The following CPED1 variants were observed in gnomAD, a reference collection of about 807,000 sequenced individuals.
The protein encoded by CPED1 is cadherin-like and PC-esterase domain-containing protein 1.
In CPED1, 114 loss-of-function variants were observed where a neutral mutation model predicts 128.2. The observed-to-expected ratio is 0.89, with a 90% CI of 0.76 to 1.04. CPED1 has a LOEUF of 1.04. Among genes scored for constraint, CPED1 ranks in the 50% least tolerant of loss-of-function variants. CPED1 has a pLI of 0.00. For synonymous variants in CPED1, 462 were observed against 426.7 expected (o/e 1.08, Z -1.02); for missense variants, 1,211 against 1,207.1 (o/e 1.00, Z -0.05).
chr7:121,239,425 G>A (rs2116673990), intron 17 of CPED1, among the ~76,000 whole-genome samples: 1 of 151,736 alleles, frequency 6.6e-6, no homozygotes, highest in African/African-American at 2.4e-5. Context: ...TGTTGCTTAA[G>A]AAAGAAAAAA....
At chr7:121,273,871 T>A (rs1313748632) in intron 22 of CPED1, among the ~76,000 whole-genome samples, 1 of 152,108 alleles carries the variant, frequency 6.6e-6, no homozygotes, top group African/African-American at 2.4e-5. Context: ...GGCTGTAGCC[T>A]GGAAGAGAAA....
chr7:121,055,556 AAATAT>A (rs1793474128), intron 4 of CPED1, among the ~76,000 whole-genome samples: 1 of 150,930 alleles, frequency 6.6e-6, no homozygotes. Flanking sequence ...GTGTGACATA[AAATAT>A]AATTATATGT....
chr7:121,020,344 A>G (rs1681763876), intron 3 of CPED1, among the ~76,000 whole-genome samples: 2 of 152,022 alleles, frequency 1.3e-5, no homozygotes, highest in Admixed American at 1.3e-4. Flanking sequence ...TTTTGTAAAT[A>G]AAGTTTTATT....
intron 14 of CPED1, among the ~76,000 whole-genome samples, chr7:121,136,802 C>T (rs1166531056): frequency 6.6e-6 from 1 of 151,984 alleles, no homozygotes; most frequent in African/African-American, 2.4e-5. Flanking sequence ...CTTTGGGAGG[C>T]CAAGGCAGGG....
At chr7:121,152,141 A>G (rs1353166212) in intron 16 of CPED1, among the ~76,000 whole-genome samples, 1 of 152,136 alleles carries the variant, frequency 6.6e-6, no homozygotes, top group African/African-American at 2.4e-5. Flanking sequence ...AAAGCAGAGC[A>G]GGCCCCTACC....
At chr7:121,009,612 A>AT (rs1308561845) in intron 2 of CPED1, among the ~76,000 whole-genome samples, 2 of 151,504 alleles carry the variant, frequency 1.3e-5, no homozygotes, top group Non-Finnish European at 2.9e-5. Context: ...GTCTCAAAAA[A>AT]AAAAAAAAAA....
intron 13 of CPED1, among the ~76,000 whole-genome samples, 160 bp from the exon 14 acceptor site, chr7:121,135,875 ATAACT>A (rs1418464428): frequency 6.6e-6 from 1 of 152,090 alleles, no homozygotes; most frequent in Non-Finnish European, 1.5e-5. Flanking sequence ...TCTGAATAAA[ATAACT>A]TATTTTATTG....
At chr7:121,201,825 T>C (rs1797407755) in intron 16 of CPED1, among the ~76,000 whole-genome samples, 1 of 152,146 alleles carries the variant, frequency 6.6e-6, no homozygotes, top group Non-Finnish European at 1.5e-5. Flanking sequence ...ATCCTCCTTT[T>C]AGAAGTAGAC....
chr7:121,162,003 A>G (rs555813267), intron 16 of CPED1, among the ~76,000 whole-genome samples: 10 of 152,356 alleles, frequency 6.6e-5, no homozygotes, highest in Non-Finnish European at 1.3e-4. Flanking sequence ...GTAAATGCCT[A>G]CACTGTTCTT....
At chr7:121,241,502 CG>C (rs1563076177) in intron 17 of CPED1, among the ~76,000 whole-genome samples, 1 of 151,808 alleles carries the variant, frequency 6.6e-6, no homozygotes, top group East Asian at 1.9e-4. Context: ...TTTAGCAGTA[CG>C]GCCATTCTCT....
chr7:121,247,250 T>G (rs1396403267), intron 18 of CPED1, among the ~76,000 whole-genome samples: 5 of 152,182 alleles, frequency 3.3e-5, no homozygotes, highest in Admixed American at 3.3e-4. Context: ...CATGTTTACA[T>G]GCATAGAGAA....
intron 3 of CPED1, among the ~76,000 whole-genome samples, chr7:121,038,437 A>T (rs1463901625): frequency 1.3e-5 from 2 of 152,122 alleles, no homozygotes; most frequent in African/African-American, 4.8e-5. Flanking sequence ...AATTATTTTT[A>T]CCTTCAGCAT....
Position 121,110,120 on chromosome 7 carries a change from T to C in CPED1, c.918+10026T>C, listed in dbSNP as rs116118218. Among the ~76,000 whole-genome samples the C allele has an allele frequency of 6.6e-3, 1,011 of 152,302 alleles. 10 individuals carry two copies. Among genetic ancestry groups the C allele is most frequent in the African/African-American group, 0.023 (938 of 41,578 alleles). On this transcript the variant is annotated intron_variant, in intron 7 of 22. Coordinates refer to ENST00000310396, the MANE Select transcript of CPED1 (RefSeq NM_024913.5). ...TACAAACTCTATGACCTTAGACAAA[T>C]CTGCTTACATCTATGGACCACTTTC...
chr7:121,170,612 T>C (rs1796630754), intron 16 of CPED1, among the ~76,000 whole-genome samples: 1 of 152,098 alleles, frequency 6.6e-6, no homozygotes, highest in South Asian at 2.1e-4. Context: ...ATAGATATCT[T>C]CCGTCTTCTC....
At chr7:121,184,136 G>A (rs969129425) in intron 16 of CPED1, among the ~76,000 whole-genome samples, 2 of 108,758 alleles carry the variant, frequency 1.8e-5, no homozygotes, top group African/African-American at 5.8e-5. Context: ...GCGAGACTCT[G>A]TCTCAAAAAA....
intron 16 of CPED1, among the ~76,000 whole-genome samples, chr7:121,148,782 C>A (rs1796086156): frequency 1.3e-5 from 2 of 151,922 alleles, no homozygotes; most frequent in African/African-American, 2.4e-5. Flanking sequence ...TTTGTTCCAA[C>A]AAATAAATAA....
chr7:121,207,362 GT>G (rs1327907924), intron 16 of CPED1, among the ~76,000 whole-genome samples: 1 of 151,970 alleles, frequency 6.6e-6, no homozygotes, highest in Non-Finnish European at 1.5e-5. Flanking sequence ...TTTCCCCACA[GT>G]CTCACCAACT....
At chr7:121,015,586 C>G (rs112224243) in intron 2 of CPED1, 79 bp from the exon 3 acceptor site, 4 of 1,273,092 alleles carry the variant, frequency 3.1e-6, no homozygotes, top group African/African-American at 3.1e-5. Flanking sequence ...CCCAAATAGC[C>G]CTTGATTTGC....
intron 16 of CPED1, among the ~76,000 whole-genome samples, chr7:121,154,075 A>G (rs1796223118): frequency 6.6e-6 from 1 of 152,230 alleles, no homozygotes; most frequent in African/African-American, 2.4e-5. Context: ...AAGATGAAGT[A>G]TTAAATCAAA....
Sources: gnomAD v4.1 joint callset for allele counts (sites outside exome capture counted in the v4.1 genomes callset) on GRCh38, gnomAD v4.1.1 for gene constraint, MANE v1.5 for transcripts, NCBI Gene and HGNC (gene_info 2026-07-23, HGNC 2026-07-21) for gene names.